Variants in TUBGCP3 observed in about 807,000 individuals in gnomAD.
The protein encoded by TUBGCP3 is gamma-tubulin complex component 3.
Under a neutral mutation model 123.1 loss-of-function variants are expected in TUBGCP3, and 50 were observed. The ratio of observed to expected loss-of-function variants is 0.41; its 90% CI spans 0.32 to 0.51. TUBGCP3 has a LOEUF of 0.51. Ranked by LOEUF, TUBGCP3 falls within the 20% of genes least tolerant of loss-of-function variation. The pLI, the probability that TUBGCP3 is intolerant of heterozygous loss-of-function variation, is 0.36. For missense variants in TUBGCP3, 882 were observed against 1,127.0 expected, an observed-to-expected ratio of 0.78 and a Z score of 3.11; for synonymous variants, 405 against 413.9, an observed-to-expected ratio of 0.98 and a Z score of 0.26.
chr13:112,495,836 G>A (rs1438651007), intron 20 of TUBGCP3, among the ~76,000 whole-genome samples: 1 of 152,130 alleles, frequency 6.6e-6, no homozygotes, highest in Non-Finnish European at 1.5e-5. Context: ...TAACCTAACT[G>A]TGCAGTGAGT....
intron 1 of TUBGCP3, among the ~76,000 whole-genome samples, chr13:112,573,226 C>T (rs915553428): frequency 6.7e-6 from 1 of 150,210 alleles, no homozygotes; most frequent in Non-Finnish European, 1.5e-5. Flanking sequence ...AAACAGTATG[C>T]CATAAATTCA....
At chr13:112,502,731 G>A (rs1205117396) in intron 19 of TUBGCP3, among the ~76,000 whole-genome samples, 1 of 151,718 alleles carries the variant, frequency 6.6e-6, no homozygotes, top group Non-Finnish European at 1.5e-5. Context: ...ATTTTTAGTA[G>A]AGACGGGGTT....
At chr13:112,509,566 TAC>T (rs1283556044) in intron 17 of TUBGCP3, among the ~76,000 whole-genome samples, 1 of 152,222 alleles carries the variant, frequency 6.6e-6, no homozygotes, top group African/African-American at 2.4e-5. Context: ...TACCAGCGAA[TAC>T]AGTTTTCCTT....
At chr13:112,587,854 G>A (rs771483636) in intron 1 of TUBGCP3, 51 bp downstream of exon 1, 17 of 1,514,978 alleles carry the variant, frequency 1.1e-5, no homozygotes, top group African/African-American at 4.3e-5. Flanking sequence ...CACGCGCAGG[G>A]AGCAGCCCCC....
rs182303633 is a variant in TUBGCP3 at position 112,496,685 on chromosome 13, G to A, written c.2448+2360C>T. Among the ~76,000 whole-genome samples the A allele has an allele frequency of 4.6e-3, 705 of 152,236 alleles. 4 individuals carry two copies. Among genetic ancestry groups the A allele is most frequent in the African/African-American group, 0.016 (680 of 41,542 alleles). On this transcript the variant is annotated intron_variant, in intron 20 of 21. Coordinates refer to ENST00000261965, the MANE Select transcript of TUBGCP3 (RefSeq NM_006322.6). Reference sequence around the variant, plus strand: ...GGCCAGCGGACACGCCATTAGCACAGGCTTAAAATCCGAAGGAGTGGCCGG... The same window carrying A: ...GGCCAGCGGACACGCCATTAGCACAAGCTTAAAATCCGAAGGAGTGGCCGG...
At chr13:112,597,656 A>G in the TUBGCP3 span, among the ~76,000 whole-genome samples, 1 of 152,224 alleles carries the variant, frequency 6.6e-6, no homozygotes, top group African/African-American at 2.4e-5. Context: ...CTCTAGAACT[A>G]AAAAACATTA....
At chr13:112,541,536 C>T (rs1487193594) in intron 11 of TUBGCP3, among the ~76,000 whole-genome samples, 4 of 121,188 alleles carry the variant, frequency 3.3e-5, no homozygotes, top group African/African-American at 8.6e-5. Flanking sequence ...AGCAAGACTC[C>T]GTCTCAAAAA....
chr13:112,569,577 G>C (rs946374021), intron 1 of TUBGCP3, among the ~76,000 whole-genome samples: 13 of 152,104 alleles, frequency 8.5e-5, no homozygotes, highest in Non-Finnish European at 1.3e-4. Context: ...AACAAGAAGA[G>C]GAGGCCGGGT....
intron 1 of TUBGCP3, among the ~76,000 whole-genome samples, chr13:112,575,365 G>A (rs561631667): frequency 5.9e-5 from 9 of 152,184 alleles, no homozygotes; most frequent in Non-Finnish European, 1.2e-4. Flanking sequence ...GGATAAAGTA[G>A]GGATCACAAA....
chr13:112,567,486 A>C (rs1594212570), intron 2 of TUBGCP3, among the ~76,000 whole-genome samples: 1 of 152,180 alleles, frequency 6.6e-6, no homozygotes, highest in African/African-American at 2.4e-5. Context: ...AATGTGTAAA[A>C]TGGTTTAGGG....
At chr13:112,568,371 GTGT>G (rs1471763452) in intron 2 of TUBGCP3, among the ~76,000 whole-genome samples, 1 of 148,664 alleles carries the variant, frequency 6.7e-6, no homozygotes, top group African/African-American at 2.5e-5. Flanking sequence ...CTTCTAGAAC[GTGT>G]TATTACTGAG....
chr13:112,591,227 C>G (rs1882875576), upstream of TUBGCP3, among the ~76,000 whole-genome samples: 1 of 152,192 alleles, frequency 6.6e-6, no homozygotes, highest in Non-Finnish European at 1.5e-5. Context: ...ATACCTGCCA[C>G]CCATGCAAGG....
chr13:112,591,677 C>A (rs142798128), upstream of TUBGCP3, among the ~76,000 whole-genome samples: 19 of 152,314 alleles, frequency 1.2e-4, 1 homozygote, highest in African/African-American at 4.3e-4. Context: ...TTTCTCAGGA[C>A]AGTCATTGGT....
chr13:112,552,710 A>T (rs9550145), intron 8 of TUBGCP3, among the ~76,000 whole-genome samples: 23,921 of 152,066 alleles, frequency 0.16, 2,137 homozygotes, highest in Non-Finnish European at 0.21. Context: ...CAAAGCTCAA[A>T]GTGTGATGCC....
rs142074295 is a variant in TUBGCP3 at position 112,527,387 on chromosome 13, T to C, written c.1433A>G (p.Asp478Gly). ...KSMIPSFMTM[D>G]QSRKVLLIGK... ...TTCTAATCCTACCTTCCTAGACTGA[T>C]CCATCGTCATAAACGAAGGAATCAT... The change falls in exon 12 of 22, where the codon GAT becomes GGT. Residue 478 changes from aspartate to glycine, a missense_variant. This residue lies in a region of TUBGCP3 where 713 missense variants were observed against 874.0 expected (regional missense o/e 0.82). Coordinates refer to ENST00000261965, the MANE Select transcript of TUBGCP3 (RefSeq NM_006322.6). 5.0e-4 allele frequency: 798 copies of C among 1,583,156 alleles called. 1 individual carries two copies. The highest frequency in any genetic ancestry group is 6.9e-4 in the Admixed American group (37 of 53,768).
intron 21 of TUBGCP3, among the ~76,000 whole-genome samples, chr13:112,488,546 G>A (rs1341076361): frequency 6.6e-6 from 1 of 152,188 alleles, no homozygotes. Context: ...CCCAAATGAA[G>A]GCTACAGAGA....
chr13:112,532,149 A>C (rs1407723544), intron 11 of TUBGCP3, among the ~76,000 whole-genome samples: 2 of 152,228 alleles, frequency 1.3e-5, no homozygotes, highest in African/African-American at 4.8e-5. Context: ...TAGATACAAT[A>C]AAATGGCAAC....
intron 3 of TUBGCP3, among the ~76,000 whole-genome samples, chr13:112,560,429 CAAAA>C (rs771690825): frequency 1.0e-5 from 1 of 97,638 alleles, no homozygotes; most frequent in Non-Finnish European, 2.2e-5. Flanking sequence ...GACTCCGTCT[CAAAA>C]AAAAAAAAAA....
chr13:112,558,513 G>A lies in TUBGCP3; in HGVS notation c.331-100C>T, dbSNP rs1234767625. On this transcript the variant is annotated intron_variant, in intron 4 of 21. Transcript: ENST00000261965. ...ATATTCAGATTTTCCTTCTATTTCTGTAACTGGATTTGGGTTCCATACTTT... is the reference window on the plus strand; with the variant it reads ...ATATTCAGATTTTCCTTCTATTTCTATAACTGGATTTGGGTTCCATACTTT... The A allele has an allele frequency of 4.7e-6, 5 of 1,064,674 alleles. No homozygotes were observed. The African/African-American group carries it at 7.8e-5, about 17-fold the overall frequency. The allele number at this position is 1,064,674 out of a possible 1,614,324, so 66.0% of individuals were successfully genotyped here.
Sources: gnomAD v4.1 joint callset for allele counts (sites outside exome capture counted in the v4.1 genomes callset) on GRCh38, gnomAD v4.1.1 for gene constraint, gnomAD v4.1.1 regional missense constraint, MANE v1.5 for transcripts, NCBI Gene and HGNC (gene_info 2026-07-23, HGNC 2026-07-21) for gene names.